The following KCNIP4 variants were observed in gnomAD, a reference collection of about 807,000 sequenced individuals.
The protein encoded by KCNIP4 is potassium voltage-gated channel interacting protein 4.
Under a neutral mutation model 34.0 loss-of-function variants are expected in KCNIP4, and 12 were observed. The observed-to-expected ratio is 0.35, with a 90% CI of 0.23 to 0.57. The LOEUF (loss-of-function observed/expected upper bound fraction) is 0.57, where lower values mean the gene tolerates loss of function less well. Ranked by LOEUF, KCNIP4 falls within the 20% of genes least tolerant of loss-of-function variation. The pLI is 0.83. For missense variants in KCNIP4, 238 were observed against 311.7 expected (o/e 0.76, Z 1.78); for synonymous variants, 124 against 102.2 (o/e 1.21, Z -1.29).
At chr4:21,602,784 G>T (rs1307883757) in intron 1 of KCNIP4, among the ~76,000 whole-genome samples, 1 of 152,020 alleles carries the variant, frequency 6.6e-6, no homozygotes, top group Non-Finnish European at 1.5e-5. Flanking sequence ...GAATAAAGAA[G>T]GAAGAGTATG....
chr4:21,860,760 A>C (rs1381059323), intron 1 of KCNIP4, among the ~76,000 whole-genome samples: 3 of 152,230 alleles, frequency 2.0e-5, no homozygotes, highest in Non-Finnish European at 4.4e-5. Flanking sequence ...GAAGTTATAC[A>C]CATAGCCTAT....
At chr4:21,452,103 C>G (rs540601335) in intron 1 of KCNIP4, among the ~76,000 whole-genome samples, 1 of 152,180 alleles carries the variant, frequency 6.6e-6, no homozygotes, top group South Asian at 2.1e-4. Context: ...CTTGACTTAA[C>G]CCACAGGGAC....
intron 1 of KCNIP4, among the ~76,000 whole-genome samples, chr4:21,273,597 A>G (rs1054020005): frequency 4.6e-5 from 7 of 152,152 alleles, no homozygotes; most frequent in African/African-American, 7.2e-5. Context: ...ACCTTTATTC[A>G]TAACATTTCC....
rs772689134 is a variant in KCNIP4 at position 21,025,543 on chromosome 4, GTTTTTT to G, written c.62-142840_62-142835del. ...TGCAAAAAGGTCACTCATTGATACT[GTTTTTT>G]TTTTTTTTTTTTTTTTTTTTTTGAG... On this transcript the variant is annotated intron_variant, in intron 1 of 8. Coordinates refer to ENST00000382152, the MANE Select transcript of KCNIP4 (RefSeq NM_025221.6). Among the ~76,000 whole-genome samples, 10 of 34,786 alleles carry G rather than the reference GTTTTTT, an allele frequency of 2.9e-4. No homozygotes were observed. In the Admixed American group the frequency reaches 3.5e-3, roughly 12 times the overall value. The allele number at this position is 34,786 out of a possible 152,430, so 22.8% of individuals were successfully genotyped here.
Position 21,561,832 on chromosome 4 carries a change from G to A in KCNIP4, c.61+386739C>T, listed in dbSNP as rs563047652. ...TAAATCACTTATTTTTTGGATAACA[G>A]AACCTATCCTTGCTTTTTGGAAAAT... On this transcript the variant is annotated intron_variant, in intron 1 of 8. Coordinates refer to ENST00000382152, the MANE Select transcript of KCNIP4 (RefSeq NM_025221.6). Among the ~76,000 whole-genome samples the A allele has an allele frequency of 7.9e-5, 12 of 152,020 alleles. No individual in the cohort carries two copies. The South Asian group carries it at 1.7e-3, about 21-fold the overall frequency.
intron 1 of KCNIP4, among the ~76,000 whole-genome samples, chr4:21,837,542 A>AAAAAAAAAAAAAAAAAG (rs1553936449): frequency 6.7e-6 from 1 of 149,698 alleles, no homozygotes; most frequent in African/African-American, 2.4e-5. Flanking sequence ...CAAAAAAAAA[A>AAAAAAAAAAAAAAAAAG]AAAAAGAAAA....
chr4:21,055,019 G>A (rs1311939305), intron 1 of KCNIP4, among the ~76,000 whole-genome samples: 1 of 151,994 alleles, frequency 6.6e-6, no homozygotes, highest in African/African-American at 2.4e-5. Flanking sequence ...AGATACATCT[G>A]ACAAAGAATC....
intron 1 of KCNIP4, among the ~76,000 whole-genome samples, chr4:21,733,922 T>G (rs1465563105): frequency 2.0e-5 from 3 of 152,188 alleles, no homozygotes; most frequent in Non-Finnish European, 4.4e-5. Flanking sequence ...TTTTTGACTC[T>G]TTGCAGCTTG....
At chr4:21,447,589 T>G (rs1728141193) in intron 1 of KCNIP4, among the ~76,000 whole-genome samples, 1 of 152,186 alleles carries the variant, frequency 6.6e-6, no homozygotes, top group African/African-American at 2.4e-5. Context: ...ATACAATGTT[T>G]TATTCCTATA....
chr4:20,758,942 T>C (rs770159821), intron 3 of KCNIP4, 52 bp from the exon 4 acceptor site: 2 of 1,434,140 alleles, frequency 1.4e-6, no homozygotes, highest in Non-Finnish European at 2.0e-6. Flanking sequence ...TAAAACTGAA[T>C]TTTTTTTGCA....
chr4:20,925,256 A>G (rs538194443), intron 1 of KCNIP4, among the ~76,000 whole-genome samples: 135 of 152,308 alleles, frequency 8.9e-4, no homozygotes, highest in African/African-American at 3.2e-3. Flanking sequence ...CATCCTAAAT[A>G]GGAACTGGGT....
At chr4:20,882,084 G>C (rs1422352017) in intron 2 of KCNIP4, among the ~76,000 whole-genome samples, 1 of 152,190 alleles carries the variant, frequency 6.6e-6, no homozygotes, top group Non-Finnish European at 1.5e-5. Context: ...ATGCACATGA[G>C]TATGTATTGG....
chr4:21,021,324 T>A (rs1478848426), intron 1 of KCNIP4, among the ~76,000 whole-genome samples: 1 of 152,302 alleles, frequency 6.6e-6, no homozygotes, highest in Admixed American at 6.5e-5. Flanking sequence ...TCAGTGAATA[T>A]TACTTTATAA....
At chr4:21,704,776 A>T (rs1300886301) in intron 1 of KCNIP4, among the ~76,000 whole-genome samples, 1 of 152,162 alleles carries the variant, frequency 6.6e-6, no homozygotes, top group Non-Finnish European at 1.5e-5. Flanking sequence ...AAAATGTAAA[A>T]TGTTACATTC....
chr4:20,823,017 T>C (rs887924888), intron 3 of KCNIP4, among the ~76,000 whole-genome samples: 2 of 152,142 alleles, frequency 1.3e-5, no homozygotes, highest in Non-Finnish European at 2.9e-5. Context: ...AGAGCAGCGT[T>C]CACCAGACAC....
chr4:21,247,394 A>C (rs1431332285), intron 1 of KCNIP4, among the ~76,000 whole-genome samples: 1 of 151,888 alleles, frequency 6.6e-6, no homozygotes, highest in African/African-American at 2.4e-5. Flanking sequence ...ACTCTTCTCT[A>C]TAGGAGGGTA....
At chr4:21,027,513 T>C (rs1163593909) in intron 1 of KCNIP4, among the ~76,000 whole-genome samples, 2 of 151,210 alleles carry the variant, frequency 1.3e-5, no homozygotes, top group Non-Finnish European at 2.9e-5. Flanking sequence ...GTGATAATCT[T>C]ATTTTAGGTG....
chr4:21,823,513 A>T (rs904584304), intron 1 of KCNIP4, among the ~76,000 whole-genome samples: 6 of 128,748 alleles, frequency 4.7e-5, no homozygotes, highest in African/African-American at 7.6e-5. Context: ...TGTCTTAAAA[A>T]AAAAAACAAA....
intron 5 of KCNIP4, among the ~76,000 whole-genome samples, chr4:20,736,176 A>G (rs542958232): frequency 2.6e-5 from 4 of 152,202 alleles, no homozygotes; most frequent in Non-Finnish European, 5.9e-5. Flanking sequence ...TTTACTTCCA[A>G]GGAATTTTTG....
Sources: allele counts gnomAD v4.1 joint callset (sites outside exome capture counted in the v4.1 genomes callset), GRCh38; gene constraint gnomAD v4.1.1; transcripts MANE v1.5; gene names NCBI Gene and HGNC (gene_info 2026-07-23, HGNC 2026-07-21).